HDAC4: variants seen among roughly 807,000 people sequenced by gnomAD.
HDAC4 encodes histone deacetylase 4.
A neutral mutation model predicts 135.1 loss-of-function variants in HDAC4; 16 were observed. The ratio of observed to expected loss-of-function variants is 0.12; its 90% CI spans 0.08 to 0.18. The LOEUF (loss-of-function observed/expected upper bound fraction) is 0.18, where lower values mean the gene tolerates loss of function less well. Ranked by LOEUF, HDAC4 falls within the 10% of genes least tolerant of loss-of-function variation. HDAC4 has a pLI of 1.00. For missense variants in HDAC4, 1,143 were observed against 1,511.8 expected (o/e 0.76, Z 4.05); for synonymous variants, 685 against 653.4 (o/e 1.05, Z -0.74).
intron 5 of HDAC4, among the ~76,000 whole-genome samples, chr2:239,172,981 G>A (rs780780944): frequency 3.4e-4 from 51 of 152,122 alleles, no homozygotes; most frequent in Non-Finnish European, 6.6e-4. Flanking sequence ...AATGTCCCAG[G>A]AACTATTTTA....
At chr2:239,144,323 AC>A (rs1489675319) in intron 8 of HDAC4, among the ~76,000 whole-genome samples, 2 of 152,064 alleles carry the variant, frequency 1.3e-5, no homozygotes, top group East Asian at 1.9e-4. Flanking sequence ...AAGCTGGGGC[AC>A]CCTTGTGCAC....
intron 2 of HDAC4, among the ~76,000 whole-genome samples, chr2:239,289,360 A>G (rs543354379): frequency 6.6e-6 from 1 of 152,338 alleles, no homozygotes; most frequent in Non-Finnish European, 1.5e-5. Flanking sequence ...CCACAAAAGA[A>G]AAGGTCTGTG....
intron 3 of HDAC4, among the ~76,000 whole-genome samples, chr2:239,209,158 G>A (rs1184230354): frequency 2.6e-5 from 4 of 152,230 alleles, no homozygotes; most frequent in Non-Finnish European, 5.9e-5. Flanking sequence ...TAGGATTACA[G>A]GTGTGATCAG....
chr2:239,287,550 A>G (rs1282878467), intron 2 of HDAC4, among the ~76,000 whole-genome samples: 1 of 152,202 alleles, frequency 6.6e-6, no homozygotes, highest in East Asian at 1.9e-4. Context: ...CTTCAAGGGA[A>G]CTGTGTAGCT....
chr2:239,104,207 C>T (rs1028222204), intron 15 of HDAC4, among the ~76,000 whole-genome samples: 8 of 152,080 alleles, frequency 5.3e-5, no homozygotes, highest in African/African-American at 9.7e-5. Context: ...GGGCCCTGGG[C>T]GGCTGCGGGG....
chr2:239,178,334 A>C (rs774668615), intron 4 of HDAC4, among the ~76,000 whole-genome samples: 10 of 152,086 alleles, frequency 6.6e-5, no homozygotes, highest in Non-Finnish European at 1.2e-4. Flanking sequence ...GCAGTGGCGC[A>C]ATCATAGCTC....
intron 1 of HDAC4, among the ~76,000 whole-genome samples, chr2:239,384,692 C>A (rs1004399779): frequency 6.6e-6 from 1 of 152,156 alleles, no homozygotes; most frequent in Non-Finnish European, 1.5e-5. Flanking sequence ...GGGTCCTAGG[C>A]GGCAACAATG....
chr2:239,317,314 C>T (rs570830281), intron 2 of HDAC4, among the ~76,000 whole-genome samples: 97 of 89,266 alleles, frequency 1.1e-3, no homozygotes, highest in African/African-American at 4.0e-3. Flanking sequence ...TGGGTGGGGC[C>T]GGCGTGTGTG....
intron 6 of HDAC4, among the ~76,000 whole-genome samples, chr2:239,160,281 C>T (rs1270882381): frequency 6.6e-6 from 1 of 152,232 alleles, no homozygotes; most frequent in Non-Finnish European, 1.5e-5. Flanking sequence ...TAGGTCCTTT[C>T]TTCAGACCAA....
Position 239,352,650 on chromosome 2 carries a change from G to A in HDAC4, c.22+28C>T. 1 of 1,551,832 alleles carries A rather than the reference G, an allele frequency of 6.4e-7. No individual in the cohort carries two copies. Among genetic ancestry groups the A allele is most frequent in the African/African-American group, 1.4e-5 (1 of 73,228 alleles). ...TTGGGCAAAGAAAGCCCCGCTGTGT[G>A]CCCAGAGAAGAAATGACCCGGCCTT... On this transcript the variant is annotated intron_variant, in intron 2 of 26. Coordinates refer to ENST00000543185, the MANE Select transcript of HDAC4 (RefSeq NM_001378414.1). The surrounding 1 kb of genome is among the most constrained non-coding windows in gnomAD (Gnocchi z 4.4).
intron 2 of HDAC4, among the ~76,000 whole-genome samples, chr2:239,298,924 G>A (rs112847587): frequency 0.17 from 24,145 of 143,382 alleles, 2,954 homozygotes; most frequent in East Asian, 0.51. Context: ...GCTGGAGTGC[G>A]GTGGCGCCAT....
At chr2:239,186,117 C>T (rs558004918) in intron 4 of HDAC4, among the ~76,000 whole-genome samples, 2 of 152,202 alleles carry the variant, frequency 1.3e-5, no homozygotes, top group South Asian at 2.1e-4. Context: ...GGAAAAGCAC[C>T]ATCCGAGAAG....
At chr2:239,264,817 G>A (rs1025511019) in intron 2 of HDAC4, among the ~76,000 whole-genome samples, 3 of 152,212 alleles carry the variant, frequency 2.0e-5, no homozygotes, top group Non-Finnish European at 4.4e-5. Flanking sequence ...GCCCACTGCT[G>A]CCCCGTCGGA....
rs55836345 is a variant in HDAC4 at position 239,196,188 on chromosome 2, G to A, written c.95-6111C>T. 7.8e-3 allele frequency among the ~76,000 whole-genome samples: 1,191 copies of A among 152,262 alleles called. 9 individuals are homozygous for A. The highest frequency in any genetic ancestry group is 0.013 in the Non-Finnish European group (895 of 68,028). ...AGAGAGAGGATGGGACAGAAGAGGA[G>A]GGAGACAGCACATCAGAAATGCATG... On this transcript the variant is annotated intron_variant, in intron 3 of 26. Coordinates refer to ENST00000543185, the MANE Select transcript of HDAC4 (RefSeq NM_001378414.1).
At chr2:239,254,894 GTAGGAAAGT>G (rs1254110270) in intron 2 of HDAC4, among the ~76,000 whole-genome samples, 3 of 152,198 alleles carry the variant, frequency 2.0e-5, no homozygotes, top group Non-Finnish European at 2.9e-5. Flanking sequence ...AAGCACCAAG[GTAGGAAAGT>G]TAGATGATCT....
At chr2:239,388,916 G>C (rs1192069640) in intron 1 of HDAC4, among the ~76,000 whole-genome samples, 1 of 152,198 alleles carries the variant, frequency 6.6e-6, no homozygotes, top group African/African-American at 2.4e-5. Flanking sequence ...AAGCAGCAGA[G>C]ACACAGGGAG....
At chr2:239,372,814 C>T (rs1694728298) in intron 1 of HDAC4, among the ~76,000 whole-genome samples, 1 of 152,258 alleles carries the variant, frequency 6.6e-6, no homozygotes, top group South Asian at 2.1e-4. Flanking sequence ...CACACACGCA[C>T]ACACATGCTC....
chr2:239,137,355 G>A (rs2041037646), intron 9 of HDAC4, among the ~76,000 whole-genome samples: 1 of 152,218 alleles, frequency 6.6e-6, no homozygotes, highest in African/African-American at 2.4e-5. Flanking sequence ...AGCGGCCACA[G>A]AGGAGCTGTC....
chr2:239,303,722 G>A lies in HDAC4; in HGVS notation c.22+48956C>T, dbSNP rs959911691. Reference sequence around the variant, plus strand: ...AACTTGCTCACTTGTAAACAACGTCGGGCAGCAACTGCAGGCCTCACCCCT... The same window carrying A: ...AACTTGCTCACTTGTAAACAACGTCAGGCAGCAACTGCAGGCCTCACCCCT... On this transcript the variant is annotated intron_variant, in intron 2 of 26. Transcript: ENST00000543185. This position sits in a 1 kb window ranked among gnomAD's most constrained non-coding sequence, Gnocchi z 5.1. Among the ~76,000 whole-genome samples, 17 of 151,968 alleles carry A rather than the reference G, an allele frequency of 1.1e-4. 1 individual carries two copies. Among genetic ancestry groups the A allele is most frequent in the South Asian group, 4.1e-4 (2 of 4,820 alleles).
Sources: allele counts gnomAD v4.1 joint callset (sites outside exome capture counted in the v4.1 genomes callset), GRCh38; gene constraint gnomAD v4.1.1; non-coding constraint Gnocchi (gnomAD v3.1); transcripts MANE v1.5; gene names NCBI Gene and HGNC (gene_info 2026-07-23, HGNC 2026-07-21).